The following CHL1 variants were observed in gnomAD, a reference collection of about 807,000 sequenced individuals.
CHL1 encodes cell adhesion molecule L1 like, also known as neural cell adhesion molecule L1-like protein.
A neutral mutation model predicts 141.9 loss-of-function variants in CHL1; 96 were observed. That is an observed-to-expected ratio of 0.68 (90% CI 0.57 to 0.80). The LOEUF (loss-of-function observed/expected upper bound fraction) is 0.80. Ranked by LOEUF, CHL1 falls within the 30% of genes least tolerant of loss-of-function variation. The pLI is 0.00. For missense variants in CHL1, 1,820 were observed against 1,457.2 expected, an observed-to-expected ratio of 1.25 and a Z score of -4.05; for synonymous variants, 613 against 502.2, an observed-to-expected ratio of 1.22 and a Z score of -2.95.
rs1402132649 is a variant in CHL1, at chr3:366,109, A to G, written c.1745A>G (p.Asp582Gly). ...GCCTTTGAAATTAATGGCACAGAAG[A>G]TGGCAGGTAGGTAAACTATTATGAT... ...GEAFEINGTE[D>G]GRIIIDGANL... The change falls in exon 15 of 28, where the codon GAT becomes GGT. Residue 582 changes from aspartate to glycine, a missense_variant. Transcript: ENST00000256509. 2 of 1,613,066 alleles carry G rather than the reference A, an allele frequency of 1.2e-6. No individual in the cohort carries two copies. The highest frequency in any genetic ancestry group is 1.7e-5 in the Admixed American group (1 of 59,850).
In CHL1 at chr3:401,679, G is replaced by T; in HGVS notation, c.3439G>T (p.Glu1147Ter). 1 of 1,589,788 alleles carries T rather than the reference G, an allele frequency of 6.3e-7. No individual in the cohort carries two copies. The highest frequency in any genetic ancestry group is 1.8e-5 in the Admixed American group (1 of 56,316). ...PDPEIQSVKDETFGEYSDSDE... is the reference protein window; with the variant it reads ...PDPEIQSVKD The stretch of plus-strand genomic sequence containing the variant: ...CCCAGAAATTCAGTCAGTAAAAGAT[G>T]AAACCTTTGGTGAATACAGGTAAAC... Residue 1147 changes from glutamate (E) to a stop codon, truncating the protein, a stop_gained, in exon 27 of 28, where the codon GAA becomes TAA. Coordinates refer to ENST00000256509, the MANE Select transcript of CHL1 (RefSeq NM_006614.4). LOFTEE classifies it high-confidence loss of function.
intron 9 of CHL1, among the ~76,000 whole-genome samples, chr3:345,306 T>C (rs1702670432): frequency 6.9e-6 from 1 of 145,968 alleles, no homozygotes; most frequent in Non-Finnish European, 1.5e-5. Flanking sequence ...GCTTTGCAGG[T>C]TCCAAGGAGC....
In CHL1 at chr3:349,484, G is replaced by A. The variant is rs201671256; in HGVS notation, c.974G>A (p.Arg325His). ...TCCTACCAGGACAAAGGAAATTATC[G>A]CTGCACAGCCAGCAATTTCTTGGGA... ...NVSYQDKGNYRCTASNFLGTA... is the reference protein window; with the variant it reads ...NVSYQDKGNYHCTASNFLGTA... Residue 325 changes from arginine to histidine, a missense_variant, in exon 10 of 28, where the codon CGC becomes CAC. Physicochemically the swap from Arg to His is conservative, Grantham distance 29 (BLOSUM62 0). Coordinates refer to ENST00000256509, the MANE Select transcript of CHL1 (RefSeq NM_006614.4). 6.8e-6 allele frequency: 11 copies of A among 1,613,930 alleles called. No individual in the cohort carries two copies. The East Asian group carries it at 1.8e-4, about 26-fold the overall frequency.
At chr3:276,290 T>A (rs1047072495) in intron 2 of CHL1, among the ~76,000 whole-genome samples, 23 of 152,194 alleles carry the variant, frequency 1.5e-4, no homozygotes, top group African/African-American at 5.5e-4. Flanking sequence ...CAATAAAATA[T>A]ATCAAATGAA....
chr3:349,150 G>A (rs1318581892), intron 9 of CHL1, among the ~76,000 whole-genome samples: 2 of 152,218 alleles, frequency 1.3e-5, no homozygotes, highest in Non-Finnish European at 2.9e-5. Flanking sequence ...GACCACTGGA[G>A]GAACTTTCAG....
chr3:242,550 T>A (rs570361730), intron 1 of CHL1, among the ~76,000 whole-genome samples: 2 of 151,928 alleles, frequency 1.3e-5, no homozygotes, highest in South Asian at 4.2e-4. Flanking sequence ...GAGCCGAGAT[T>A]GTGCCACTGC....
At chr3:242,274 C>G (rs1393238667) in intron 1 of CHL1, among the ~76,000 whole-genome samples, 1 of 151,692 alleles carries the variant, frequency 6.6e-6, no homozygotes, top group Admixed American at 6.6e-5. Flanking sequence ...CATGCACCTA[C>G]AACATGAAGG....
At chr3:267,629 C>A (rs973955761) in intron 2 of CHL1, among the ~76,000 whole-genome samples, 1 of 152,066 alleles carries the variant, frequency 6.6e-6, no homozygotes, top group African/African-American at 2.4e-5. Context: ...ATCTCATTAT[C>A]TTTACCGATT....
chr3:355,084 C>A (rs1373297293), intron 11 of CHL1, among the ~76,000 whole-genome samples: 1 of 152,112 alleles, frequency 6.6e-6, no homozygotes, highest in Non-Finnish European at 1.5e-5. Flanking sequence ...ATTATTGTTC[C>A]TGTCCCTGAG....
At chr3:398,520 T>A (rs1423124806) in intron 25 of CHL1, 135 bp downstream of exon 25, 2 of 523,828 alleles carry the variant, frequency 3.8e-6, no homozygotes, top group East Asian at 6.3e-5. Context: ...TCAATTTGTT[T>A]TGACATATTT....
intron 4 of CHL1, among the ~76,000 whole-genome samples, chr3:327,926 T>G (rs1318907311): frequency 1.3e-4 from 20 of 151,936 alleles, no homozygotes. Flanking sequence ...ATAAATAATT[T>G]TAATTTAAAA....
At chr3:272,443 G>A (rs1182424429) in intron 2 of CHL1, among the ~76,000 whole-genome samples, 1 of 152,104 alleles carries the variant, frequency 6.6e-6, no homozygotes, top group Non-Finnish European at 1.5e-5. Context: ...TTTCAGGAAG[G>A]CAAACTGCAT....
At chr3:378,907 C>T (rs969176838) in intron 16 of CHL1, among the ~76,000 whole-genome samples, 4 of 152,254 alleles carry the variant, frequency 2.6e-5, no homozygotes, top group East Asian at 3.9e-4. Flanking sequence ...TTGGAACTAT[C>T]GTAAATTTGT....
chr3:218,015 A>G (rs565882500), intron 1 of CHL1, among the ~76,000 whole-genome samples: 15 of 152,264 alleles, frequency 9.9e-5, no homozygotes, highest in Admixed American at 9.2e-4. Context: ...TTCTATTAAG[A>G]TGATATGGGT....
chr3:386,794 A>C (rs1707759834), intron 19 of CHL1, among the ~76,000 whole-genome samples: 1 of 152,168 alleles, frequency 6.6e-6, no homozygotes, highest in African/African-American at 2.4e-5. Flanking sequence ...CTGGCTTTAA[A>C]ATGAAAATAA....
intron 2 of CHL1, among the ~76,000 whole-genome samples, chr3:261,068 C>T (rs1315386717): frequency 6.6e-6 from 1 of 152,160 alleles, no homozygotes; most frequent in African/African-American, 2.4e-5. Flanking sequence ...AATAACATCA[C>T]TAGTCACTAC....
At chr3:254,413 A>C (rs1693972746) in intron 2 of CHL1, among the ~76,000 whole-genome samples, 1 of 152,194 alleles carries the variant, frequency 6.6e-6, no homozygotes, top group Non-Finnish European at 1.5e-5. Context: ...GCTGATACCC[A>C]CTGAAACTGG....
chr3:372,095 C>G (rs1233656716), intron 15 of CHL1, among the ~76,000 whole-genome samples: 2 of 152,042 alleles, frequency 1.3e-5, no homozygotes, highest in Non-Finnish European at 2.9e-5. Context: ...TAGGGTTAAT[C>G]TTCTCATGGA....
At chr3:241,645 A>G (rs1035168282) in intron 1 of CHL1, among the ~76,000 whole-genome samples, 20 of 151,274 alleles carry the variant, frequency 1.3e-4, no homozygotes, top group Admixed American at 1.1e-3. Flanking sequence ...TTTTGTGCAT[A>G]TACTATATTT....
Sources: gnomAD v4.1 joint callset for allele counts (sites outside exome capture counted in the v4.1 genomes callset) on GRCh38, gnomAD v4.1.1 for gene constraint, MANE v1.5 for transcripts, NCBI Gene and HGNC (gene_info 2026-07-23, HGNC 2026-07-21) for gene names.